BAP1: variants seen among roughly 807,000 people sequenced by gnomAD.
The protein encoded by BAP1 is BRCA1 associated deubiquitinase 1.
In BAP1, 16 loss-of-function variants were observed where a neutral mutation model predicts 77.2. The ratio of observed to expected loss-of-function variants is 0.21; its 90% confidence interval spans 0.14 to 0.31. The LOEUF is 0.31. Ranked by LOEUF, BAP1 falls within the 10% of genes least tolerant of loss-of-function variation. The pLI, the probability that BAP1 is intolerant of heterozygous loss-of-function variation, is 1.00. For missense variants in BAP1, 699 were observed against 967.3 expected (o/e 0.72, Z 3.68); for synonymous variants, 362 against 385.2 (o/e 0.94, Z 0.71).
chr3:52,409,941 C>T lies in BAP1; in HGVS notation c.-63G>A. Reference sequence around the variant, plus strand: ...CCTCCCTCCCCACCGCTGCCCCCACCGGGAGCCCCCACCGCCCCCGGGGCC... The same window carrying T: ...CCTCCCTCCCCACCGCTGCCCCCACTGGGAGCCCCCACCGCCCCCGGGGCC... On this transcript the variant is annotated 5_prime_UTR_variant, in exon 1 of 17. Coordinates refer to ENST00000460680, the MANE Select transcript of BAP1 (RefSeq NM_004656.4). 6.3e-7 allele frequency: 1 copy of T among 1,576,602 alleles called. No individual in the cohort carries two copies. The highest frequency in any genetic ancestry group is 1.1e-5 in the South Asian group (1 of 87,928).
chr3:52,409,792 C>G (rs1559593241), intron 1 of BAP1, 49 bp from the exon 2 acceptor site: 2 of 1,612,938 alleles, frequency 1.2e-6, no homozygotes, highest in East Asian at 2.2e-5. Context: ...AGGCGCGTCC[C>G]GGGCCCATCC....
chr3:52,405,097 G>T lies in BAP1; in HGVS notation c.1116+13C>A. ...ATCAAGTAGAGAATCCTGCAAGGGT[G>T]CTCCCAGCTTACCTGCATGGGGGAC... On this transcript the variant is annotated intron_variant, in intron 11 of 16. Coordinates refer to ENST00000460680, the MANE Select transcript of BAP1 (RefSeq NM_004656.4). 6.2e-7 allele frequency: 1 copy of T among 1,613,940 alleles called. No individual in the cohort carries two copies. Among genetic ancestry groups the T allele is most frequent in the South Asian group, 1.1e-5 (1 of 91,082 alleles).
At chr3:52,409,133 G>A (rs1174446654) in intron 3 of BAP1, among the ~76,000 whole-genome samples, 3 of 152,236 alleles carry the variant, frequency 2.0e-5, no homozygotes, top group Non-Finnish European at 4.4e-5. Context: ...ACTGGGAAAA[G>A]ACTCTAAGTG....
rs1046775979 is a variant in BAP1 at position 52,403,063 on chromosome 3, T to C, written c.1890+75A>G. On this transcript the variant is annotated intron_variant, in intron 14 of 16. Transcript: ENST00000460680. This position sits in a 1 kb window ranked among gnomAD's most constrained non-coding sequence, Gnocchi z 4.0. ...TCACACCAAAGTTCCAATCAAGAAC[T>C]TGGCACCTGGGCAGGAGGAGCTCAG... 4.4e-6 allele frequency: 7 copies of C among 1,602,344 alleles called. No homozygotes were observed. The African/African-American group carries it at 9.3e-5, about 21-fold the overall frequency.
intron 1 of BAP1, 42 bp from the exon 2 acceptor site, chr3:52,409,785 C>A (rs758951169): frequency 6.2e-7 from 1 of 1,613,144 alleles, no homozygotes; most frequent in South Asian, 1.1e-5. Flanking sequence ...GTCAGGCAGG[C>A]GCGTCCCGGG....
chr3:52,406,195 G>A lies in BAP1; in HGVS notation c.783+58C>T, dbSNP rs1705150693. 12 of 1,612,826 alleles carry A rather than the reference G, an allele frequency of 7.4e-6. No homozygotes were observed. Among genetic ancestry groups the A allele is most frequent in the Non-Finnish European group, 1.0e-5 (12 of 1,179,604 alleles). On this transcript the variant is annotated intron_variant, in intron 9 of 16. Coordinates refer to ENST00000460680, the MANE Select transcript of BAP1 (RefSeq NM_004656.4). The surrounding 1 kb of genome is among the most constrained non-coding windows in gnomAD (Gnocchi z 4.6). ...TCAGAGACAAATGCTGTGGGGGAAGGGAGGAGGAATGCAGGGAGGGTTGGG... is the reference window on the plus strand; with the variant it reads ...TCAGAGACAAATGCTGTGGGGGAAGAGAGGAGGAATGCAGGGAGGGTTGGG...
At position 52,402,431 on chromosome 3, in the gene BAP1, G is replaced by A; in HGVS notation, c.2057-10C>T. The stretch of plus-strand genomic sequence containing the variant: ...AGGTTGGCCAGCATGCCTGCGAAGA[G>A]GTAGAGACCCTTGAGCAGGTGCTGG... On this transcript the variant is annotated splice_polypyrimidine_tract_variant and intron_variant, in intron 16 of 16. Coordinates refer to ENST00000460680, the MANE Select transcript of BAP1 (RefSeq NM_004656.4). The surrounding 1 kb of genome is among the most constrained non-coding windows in gnomAD (Gnocchi z 5.3). 6.4e-7 allele frequency: 1 copy of A among 1,568,832 alleles called. No individual in the cohort carries two copies.
chr3:52,403,920 C>A lies in BAP1; in HGVS notation c.1251-26G>T. ...CTGTGGGGCCCGAGAAGATGTGAAG[C>A]AAGGGAACGGGCCAGGTGACCATAC... On this transcript the variant is annotated intron_variant, in intron 12 of 16. Coordinates refer to ENST00000460680, the MANE Select transcript of BAP1 (RefSeq NM_004656.4). The surrounding 1 kb of genome is among the most constrained non-coding windows in gnomAD (Gnocchi z 4.0). 6.2e-7 allele frequency: 1 copy of A among 1,612,360 alleles called. No homozygotes were observed.
At chr3:52,407,128 G>A (rs2153227737) in intron 7 of BAP1, 46 bp downstream of exon 7, 2 of 1,612,124 alleles carry the variant, frequency 1.2e-6, no homozygotes, top group Non-Finnish European at 1.7e-6. Flanking sequence ...AGCTCCCTAG[G>A]AGGTAGGCAG....
chr3:52,405,686 C>T (rs1036189313), intron 10 of BAP1, 79 bp downstream of exon 10: 76 of 1,581,566 alleles, frequency 4.8e-5, no homozygotes, highest in Non-Finnish European at 6.0e-5. Flanking sequence ...CAGAAAAAGA[C>T]TTTCCCTGTT....
Position 52,406,822 on chromosome 3 carries a change from C to T in BAP1, c.659+7G>A. 2 of 1,554,698 alleles carry T rather than the reference C, an allele frequency of 1.3e-6. No individual in the cohort carries two copies. Among genetic ancestry groups the T allele is most frequent in the Admixed American group, 1.9e-5 (1 of 51,430 alleles). ...AGAGTAGAACAGGGCAGGCACAGGG[C>T]CCTTACCCTGCAGTGGCGAGGCCGA... On this transcript the variant is annotated splice_region_variant and intron_variant, in intron 8 of 16. Coordinates refer to ENST00000460680, the MANE Select transcript of BAP1 (RefSeq NM_004656.4). This position sits in a 1 kb window ranked among gnomAD's most constrained non-coding sequence, Gnocchi z 4.6.
Position 52,408,620 on chromosome 3 carries a change from G to T in BAP1, c.123-14C>A. ...CCATATACAGGGCTGGGGGAAGTAA[G>T]GGGCAGAGCCAGATCAGCCAAAGGG... On this transcript the variant is annotated splice_polypyrimidine_tract_variant and intron_variant, in intron 3 of 16. Coordinates refer to ENST00000460680, the MANE Select transcript of BAP1 (RefSeq NM_004656.4). The T allele has an allele frequency of 1.2e-6, 2 of 1,607,228 alleles. No homozygotes were observed. Among genetic ancestry groups the T allele is most frequent in the South Asian group, 1.1e-5 (1 of 89,580 alleles).
chr3:52,408,451 AC>A (rs1472576314), intron 4 of BAP1, 22 bp downstream of exon 4: 4 of 1,608,884 alleles, frequency 2.5e-6, no homozygotes, highest in Admixed American at 3.4e-5. Context: ...CACCCTCCAA[AC>A]AAAGCACAGA....
At position 52,402,710 on chromosome 3, in the gene BAP1, A is replaced by C. The variant is rs2153226244; in HGVS notation, c.1984-36T>G. On this transcript the variant is annotated intron_variant, in intron 15 of 16. Transcript: ENST00000460680. The surrounding 1 kb of genome is among the most constrained non-coding windows in gnomAD (Gnocchi z 5.3). Reference sequence around the variant, plus strand: ...GAAGAAGACTGAGAGCACTGGAGCCAATCTTGCCAGAGCAGCCACCAGTGG... The same window carrying C: ...GAAGAAGACTGAGAGCACTGGAGCCCATCTTGCCAGAGCAGCCACCAGTGG... The C allele has an allele frequency of 6.2e-7, 1 of 1,614,086 alleles. No homozygotes were observed. The highest frequency in any genetic ancestry group is 8.5e-7 in the Non-Finnish European group (1 of 1,179,886).
Position 52,402,821 on chromosome 3 carries a change from C to A in BAP1, c.1941G>T (p.Glu647Asp). 6.2e-7 allele frequency: 1 copy of A among 1,614,230 alleles called. No homozygotes were observed. Among genetic ancestry groups the A allele is most frequent in the South Asian group, 1.1e-5 (1 of 91,088 alleles). ...TCTCTACCTCCTCCTTGAGGCACGCCTCATAGTTTGCAATCTCAGCCTCCA... is the reference window on the plus strand; with the variant it reads ...TCTCTACCTCCTCCTTGAGGCACGCATCATAGTTTGCAATCTCAGCCTCCA... ...KCVEAEIANY[E>D]ACLKEEVEKR... Residue 647 changes from glutamate to aspartate, a missense_variant, in exon 15 of 17, where the codon GAG becomes GAT. Around this residue, in one of 3 missense-constraint regions of BAP1, gnomAD observed 475 missense variants for 532.4 expected, o/e 0.89. Transcript: ENST00000460680. The surrounding 1 kb of genome is among the most constrained non-coding windows in gnomAD (Gnocchi z 5.3).
rs1559584819 is a variant in BAP1 at position 52,402,438 on chromosome 3, A to C, written c.2057-17T>G. 1 of 1,569,796 alleles carries C rather than the reference A, an allele frequency of 6.4e-7. No homozygotes were observed. Among genetic ancestry groups the C allele is most frequent in the Non-Finnish European group, 8.6e-7 (1 of 1,158,352 alleles). On this transcript the variant is annotated splice_polypyrimidine_tract_variant and intron_variant, in intron 16 of 16. Coordinates refer to ENST00000460680, the MANE Select transcript of BAP1 (RefSeq NM_004656.4). This position sits in a 1 kb window ranked among gnomAD's most constrained non-coding sequence, Gnocchi z 5.3. ...CCAGCATGCCTGCGAAGAGGTAGAG[A>C]CCCTTGAGCAGGTGCTGGCTGCCTC...
At position 52,407,985 on chromosome 3, in the gene BAP1, C is replaced by G. The variant is rs767744849; in HGVS notation, c.348G>C (p.Lys116Asn). 1 of 1,613,970 alleles carries G rather than the reference C, an allele frequency of 6.2e-7. No individual in the cohort carries two copies. The highest frequency in any genetic ancestry group is 1.7e-5 in the Admixed American group (1 of 60,012). The change falls in exon 5 of 17, where the codon AAG becomes AAC. Residue 116 changes from lysine to asparagine, a missense_variant. Physicochemically the swap from Lys to Asn is moderately conservative, Grantham distance 94 (BLOSUM62 0). Around this residue, in one of 3 missense-constraint regions of BAP1, gnomAD observed 160 missense variants for 322.8 expected, o/e 0.50. Transcript: ENST00000460680. ...CAGGGCTGAAACCCTTGGTGAAGTC[C>G]TTCATGCGACTCAGGGTGGGTCCCA... ...VDLGPTLSRM[K>N]DFTKGFSPES...
chr3:52,405,654 G>T, intron 10 of BAP1, 111 bp downstream of exon 10: 1 of 1,509,030 alleles, frequency 6.6e-7, no homozygotes, highest in African/African-American at 1.4e-5. Flanking sequence ...GACGGGGGAA[G>T]AACACTGCCC....
At chr3:52,407,932 G>A (rs780915258) in intron 5 of BAP1, 26 bp downstream of exon 5, 1 of 1,612,870 alleles carries the variant, frequency 6.2e-7, no homozygotes, top group Non-Finnish European at 8.5e-7. Context: ...TTGGCTGTGA[G>A]CCAGGATGAA....
Sources: gnomAD v4.1 joint callset for allele counts (sites outside exome capture counted in the v4.1 genomes callset) on GRCh38, gnomAD v4.1.1 for gene constraint, gnomAD v4.1.1 regional missense constraint, Gnocchi (gnomAD v3.1) non-coding constraint, MANE v1.5 for transcripts, NCBI Gene and HGNC (gene_info 2026-07-23, HGNC 2026-07-21) for gene names.